GRIK4: variants seen among roughly 807,000 people sequenced by gnomAD.
GRIK4 encodes glutamate receptor ionotropic, kainate 4.
GRIK4 carries 40 observed loss-of-function variants against 104.9 expected under a neutral mutation model. The observed-to-expected ratio is 0.38, with a 90% CI of 0.30 to 0.50. The LOEUF is 0.50. Ranked by LOEUF, GRIK4 falls within the 20% of genes least tolerant of loss-of-function variation. GRIK4 has a pLI of 0.93. For synonymous variants in GRIK4, 485 were observed against 524.9 expected (o/e 0.92, Z 1.04); for missense variants, 1,047 against 1,308.1 (o/e 0.80, Z 3.08).
At chr11:120,732,936 G>A (rs575639641) in intron 3 of GRIK4, among the ~76,000 whole-genome samples, 66 of 152,296 alleles carry the variant, frequency 4.3e-4, no homozygotes, top group African/African-American at 9.1e-4. Flanking sequence ...AAAGTGGGGT[G>A]TTGAAATCTC....
At chr11:120,852,625 C>T (rs1340363745) in intron 8 of GRIK4, among the ~76,000 whole-genome samples, 1 of 152,138 alleles carries the variant, frequency 6.6e-6, no homozygotes, top group Non-Finnish European at 1.5e-5. Context: ...AATTCATTGA[C>T]AGGTGTGAAT....
At chr11:120,850,505 T>C (rs1953948688) in intron 8 of GRIK4, among the ~76,000 whole-genome samples, 1 of 152,110 alleles carries the variant, frequency 6.6e-6, no homozygotes, top group African/African-American at 2.4e-5. Flanking sequence ...AATCCATACA[T>C]CCCTTGATCA....
rs559396007 is a variant in GRIK4, at chr11:120,824,881, C to T, written c.511+4961C>T. 1.1e-3 allele frequency among the ~76,000 whole-genome samples: 164 copies of T among 151,576 alleles called. 1 individual carries two copies. Among genetic ancestry groups the T allele is most frequent in the Non-Finnish European group, 1.1e-3 (76 of 67,862 alleles). On this transcript the variant is annotated intron_variant, in intron 6 of 20. Coordinates refer to ENST00000527524, the MANE Select transcript of GRIK4 (RefSeq NM_014619.5). ...TATTATTATTATTTTTTAATGCTTGCTTTTATATTTCTTTCTGAGTTTTTT... is the reference window on the plus strand; with the variant it reads ...TATTATTATTATTTTTTAATGCTTGTTTTTATATTTCTTTCTGAGTTTTTT...
At chr11:120,675,667 T>C (rs1330470743) in intron 3 of GRIK4, among the ~76,000 whole-genome samples, 3 of 152,126 alleles carry the variant, frequency 2.0e-5, no homozygotes, top group Non-Finnish European at 2.9e-5. Context: ...AAACCTGCAA[T>C]TGAATTGCAA....
At chr11:120,816,898 CTGA>C (rs1268778969) in intron 5 of GRIK4, among the ~76,000 whole-genome samples, 1 of 152,162 alleles carries the variant, frequency 6.6e-6, no homozygotes, top group Non-Finnish European at 1.5e-5. Context: ...AAATACAACT[CTGA>C]GGCCAGCCCA....
intron 13 of GRIK4, among the ~76,000 whole-genome samples, chr11:120,932,905 A>C (rs546222321): frequency 1.1e-4 from 17 of 152,324 alleles, no homozygotes; most frequent in African/African-American, 3.6e-4. Context: ...TCAGAGAAGA[A>C]AGATCTGGAA....
intron 9 of GRIK4, 23 bp from the exon 10 acceptor site, chr11:120,874,043 G>A (rs376835325): frequency 1.4e-5 from 22 of 1,566,616 alleles, no homozygotes; most frequent in African/African-American, 9.5e-5. Context: ...CCCTCCCTCC[G>A]CCTGCTCCCC....
intron 5 of GRIK4, among the ~76,000 whole-genome samples, chr11:120,816,356 T>C (rs1952958221): frequency 6.6e-6 from 1 of 152,034 alleles, no homozygotes; most frequent in African/African-American, 2.4e-5. Flanking sequence ...AGCCAGGTCC[T>C]TAGGGGGCAG....
Position 120,966,935 on chromosome 11 carries a change from C to G in GRIK4, c.2267-260C>G, listed in dbSNP as rs11218088. Among the ~76,000 whole-genome samples the G allele has an allele frequency of 5.7e-3, 861 of 152,298 alleles. 8 individuals are homozygous for G. Among genetic ancestry groups the G allele is most frequent in the African/African-American group, 0.02 (822 of 41,564 alleles). The stretch of plus-strand genomic sequence containing the variant: ...TGGGGTGTTTGGCCATGGGCTGGAC[C>G]TGCCAGTCAGCATGGAGAGAAGGGA... On this transcript the variant is annotated intron_variant, in intron 18 of 20. Coordinates refer to ENST00000527524, the MANE Select transcript of GRIK4 (RefSeq NM_014619.5).
intron 1 of GRIK4, among the ~76,000 whole-genome samples, chr11:120,519,295 A>G (rs1947768073): frequency 6.6e-6 from 1 of 152,238 alleles, no homozygotes; most frequent in African/African-American, 2.4e-5. Context: ...CCCAGAATTC[A>G]TGTTGAAATC....
intron 6 of GRIK4, among the ~76,000 whole-genome samples, chr11:120,828,845 A>C (rs964372629): frequency 9.2e-5 from 14 of 152,276 alleles, no homozygotes; most frequent in African/African-American, 3.1e-4. Flanking sequence ...AAGGGGTAGC[A>C]GGCTGGGAAT....
chr11:120,856,463 G>A (rs984389022), intron 8 of GRIK4, among the ~76,000 whole-genome samples: 5 of 152,268 alleles, frequency 3.3e-5, no homozygotes, highest in East Asian at 1.9e-4. Context: ...GAGAAATGAC[G>A]AGGACCTAAC....
At chr11:120,979,874 C>T (rs1371379764) in intron 19 of GRIK4, among the ~76,000 whole-genome samples, 2 of 152,158 alleles carry the variant, frequency 1.3e-5, no homozygotes, top group African/African-American at 4.8e-5. Flanking sequence ...ACTCTGTTGC[C>T]CAGGCTGGAG....
chr11:120,752,794 G>A (rs192301691), intron 3 of GRIK4, among the ~76,000 whole-genome samples: 5 of 152,334 alleles, frequency 3.3e-5, no homozygotes, highest in Non-Finnish European at 7.3e-5. Flanking sequence ...GCCACCTGTT[G>A]TCACTGTTTG....
intron 5 of GRIK4, among the ~76,000 whole-genome samples, chr11:120,816,867 T>C (rs1373355388): frequency 1.3e-5 from 2 of 151,994 alleles, no homozygotes; most frequent in Admixed American, 1.3e-4. Flanking sequence ...GTCCCCATCC[T>C]CCTCCCGGTC....
At chr11:120,553,863 CAG>C (rs1003651632) in intron 1 of GRIK4, among the ~76,000 whole-genome samples, 1 of 152,160 alleles carries the variant, frequency 6.6e-6, no homozygotes, top group African/African-American at 2.4e-5. Flanking sequence ...TCAATGCTGA[CAG>C]AGTGGAGGGG....
At chr11:120,705,712 A>G (rs993141269) in intron 3 of GRIK4, among the ~76,000 whole-genome samples, 1 of 152,184 alleles carries the variant, frequency 6.6e-6, no homozygotes, top group Non-Finnish European at 1.5e-5. Flanking sequence ...TTCTTAGTGT[A>G]CAAGTCTTTT....
intron 3 of GRIK4, among the ~76,000 whole-genome samples, chr11:120,796,832 A>T (rs1362090341): frequency 6.6e-6 from 1 of 151,874 alleles, no homozygotes; most frequent in East Asian, 2.0e-4. Flanking sequence ...CAGTGGCTGT[A>T]TGCCCTCTCG....
At chr11:120,625,021 C>T (rs920431661) in intron 1 of GRIK4, among the ~76,000 whole-genome samples, 2 of 152,174 alleles carry the variant, frequency 1.3e-5, no homozygotes, top group South Asian at 2.1e-4. Flanking sequence ...CGGTGGCTCA[C>T]GCCTGTAATC....
Sources: allele counts gnomAD v4.1 joint callset (sites outside exome capture counted in the v4.1 genomes callset), GRCh38; gene constraint gnomAD v4.1.1; transcripts MANE v1.5; gene names NCBI Gene and HGNC (gene_info 2026-07-23, HGNC 2026-07-21).